Variants in ETF1 observed in about 807,000 individuals in gnomAD.
ETF1 encodes the protein eukaryotic translation termination factor 1, also known as eukaryotic peptide chain release factor subunit 1.
Under a neutral mutation model 55.1 loss-of-function variants are expected in ETF1, and 4 were observed. The ratio of observed to expected loss-of-function variants is 0.07; its 90% CI spans 0.04 to 0.17. ETF1 has a LOEUF of 0.17. Ranked by LOEUF, ETF1 falls within the 10% of genes least tolerant of loss-of-function variation. ETF1 has a pLI of 1.00. For missense variants in ETF1, 142 were observed against 523.6 expected, an observed-to-expected ratio of 0.27 and a Z score of 7.11; for synonymous variants, 157 against 182.3, an observed-to-expected ratio of 0.86 and a Z score of 1.12.
chr5:138,515,097 C>T (rs1764962700), intron 4 of ETF1, among the ~76,000 whole-genome samples: 1 of 152,194 alleles, frequency 6.6e-6, no homozygotes, highest in Non-Finnish European at 1.5e-5. Flanking sequence ...AACTAAGAAT[C>T]CATCTTTAAC....
chr5:138,524,267 C>T (rs1254923556), intron 2 of ETF1, among the ~76,000 whole-genome samples: 7 of 151,110 alleles, frequency 4.6e-5, no homozygotes, highest in African/African-American at 7.3e-5. Context: ...GCACGAGAAT[C>T]GCTCGAACCT....
At chr5:138,533,863 G>A (rs1000333879) in intron 2 of ETF1, among the ~76,000 whole-genome samples, 4 of 152,118 alleles carry the variant, frequency 2.6e-5, no homozygotes, top group Non-Finnish European at 4.4e-5. Flanking sequence ...CTTATGAAGT[G>A]TCATTTTAAT....
chr5:138,525,588 T>C (rs949050250), intron 2 of ETF1, among the ~76,000 whole-genome samples: 1 of 152,166 alleles, frequency 6.6e-6, no homozygotes, highest in African/African-American at 2.4e-5. Flanking sequence ...CCAGTATAAA[T>C]TGAGCTGACT....
intron 2 of ETF1, among the ~76,000 whole-genome samples, chr5:138,519,851 T>C (rs1459079981): frequency 6.6e-6 from 1 of 152,040 alleles, no homozygotes; most frequent in East Asian, 1.9e-4. Context: ...ATTTTGGTTT[T>C]TTAACTTTTT....
chr5:138,508,465 G>C (rs1203437337), intron 10 of ETF1, 78 bp from the exon 11 acceptor site: 2 of 1,595,534 alleles, frequency 1.3e-6, no homozygotes, highest in African/African-American at 2.7e-5. Context: ...AAGGGAATAA[G>C]GGAAGCCCTA....
chr5:138,520,853 T>A (rs1036773233), intron 2 of ETF1, among the ~76,000 whole-genome samples: 8 of 152,000 alleles, frequency 5.3e-5, no homozygotes, highest in Admixed American at 1.3e-4. Flanking sequence ...TTGGTGAGGA[T>A]GTGGAGAAAT....
chr5:138,523,885 G>A (rs1010053073), intron 2 of ETF1, among the ~76,000 whole-genome samples: 35 of 151,958 alleles, frequency 2.3e-4, no homozygotes, highest in African/African-American at 8.0e-4. Flanking sequence ...GTGAAATGCA[G>A]TGAGACCCTG....
At chr5:138,531,921 C>T (rs543158668) in intron 2 of ETF1, among the ~76,000 whole-genome samples, 49 of 152,252 alleles carry the variant, frequency 3.2e-4, no homozygotes, top group African/African-American at 1.1e-3. Flanking sequence ...GTGGCGGGCG[C>T]CTATAGTCCC....
intron 10 of ETF1, 120 bp downstream of exon 10, chr5:138,508,548 GC>G: frequency 6.4e-7 from 1 of 1,554,936 alleles, no homozygotes. Context: ...TGCACCTGCT[GC>G]GTCAATCACC....
At chr5:138,518,236 C>T (rs1013759737) in intron 3 of ETF1, among the ~76,000 whole-genome samples, 2 of 147,906 alleles carry the variant, frequency 1.4e-5, no homozygotes, top group African/African-American at 2.5e-5. Context: ...ATTGAGACAA[C>T]GCCTCACTCT....
In ETF1 at chr5:138,510,763, G is replaced by A. The variant is rs1486238652; in HGVS notation, c.1019-134C>T. On this transcript the variant is annotated intron_variant, in intron 8 of 10. Coordinates refer to ENST00000360541, the MANE Select transcript of ETF1 (RefSeq NM_004730.4). ...CAACATTTTTTCCATAAACATGTTA[G>A]CATACACTGAGTGTCTACTAGGTAC... 2.4e-6 allele frequency: 3 copies of A among 1,268,646 alleles called. No homozygotes were observed. In the African/African-American group the frequency reaches 4.5e-5, roughly 19 times the overall value. The allele number at this position is 1,268,646 out of a possible 1,614,324, so 78.6% of individuals were successfully genotyped here.
At chr5:138,530,652 C>T (rs1378111501) in intron 2 of ETF1, among the ~76,000 whole-genome samples, 1 of 152,150 alleles carries the variant, frequency 6.6e-6, no homozygotes, top group Non-Finnish European at 1.5e-5. Context: ...CTGATCTTTG[C>T]AACCTCTGCC....
chr5:138,524,573 T>C (rs1765379044), intron 2 of ETF1, among the ~76,000 whole-genome samples: 1 of 150,460 alleles, frequency 6.6e-6, no homozygotes, highest in Non-Finnish European at 1.5e-5. Flanking sequence ...AAAAAATTTC[T>C]TTCCGTTTTT....
rs537981655 is a variant in ETF1 at position 138,524,919 on chromosome 5, T to C, written c.87-6052A>G. Reference sequence around the variant, plus strand: ...TTTTCTTCCTTCCTTTCCCTTTTTTTTTCTTTTTTACATTTTTGGAAGTTA... The same window carrying C: ...TTTTCTTCCTTCCTTTCCCTTTTTTCTTCTTTTTTACATTTTTGGAAGTTA... On this transcript the variant is annotated intron_variant, in intron 2 of 10. Transcript: ENST00000360541. Among the ~76,000 whole-genome samples, 13 of 151,994 alleles carry C rather than the reference T, an allele frequency of 8.6e-5. No homozygotes were observed. In the South Asian group the frequency reaches 2.7e-3, roughly 32 times the overall value.
chr5:138,509,180 G>A (rs986813961), intron 9 of ETF1: 5 of 985,226 alleles, frequency 5.1e-6, no homozygotes, highest in Middle Eastern at 5.2e-4. Flanking sequence ...CTGCTTTTGG[G>A]AGTGGCCTCG....
chr5:138,543,123 G>T lies in ETF1; in HGVS notation c.-45C>A. On this transcript the variant is annotated 5_prime_UTR_variant, in exon 1 of 11. Coordinates refer to ENST00000360541, the MANE Select transcript of ETF1 (RefSeq NM_004730.4). ...TAAGGGCCCAGTCCTGGGCGGCAGCGGCTGCTCCTCCCCGGCGGCGGCTCC... is the reference window on the plus strand; with the variant it reads ...TAAGGGCCCAGTCCTGGGCGGCAGCTGCTGCTCCTCCCCGGCGGCGGCTCC... The T allele has an allele frequency of 6.7e-6, 4 of 592,954 alleles. No homozygotes were observed. The highest frequency in any genetic ancestry group is 1.2e-5 in the Non-Finnish European group (4 of 342,658). The allele number at this position is 592,954 out of a possible 1,614,324, so 36.7% of individuals were successfully genotyped here.
At chr5:138,529,720 C>G in intron 2 of ETF1, 2 of 984,376 alleles carry the variant, frequency 2.0e-6, no homozygotes, top group Non-Finnish European at 2.4e-6. Flanking sequence ...TGTAACAGAA[C>G]TAAACCAAAT....
intron 2 of ETF1, among the ~76,000 whole-genome samples, chr5:138,524,785 C>T (rs1237442202): frequency 6.6e-6 from 1 of 151,870 alleles, no homozygotes; most frequent in Non-Finnish European, 1.5e-5. Context: ...ACCATGTTGG[C>T]CAGGATGGTC....
rs202069683 is a variant in ETF1, at chr5:138,511,033, T to C, written c.1018+12A>G. ...AGTAACAAATAGCAACCTTATTTTCTAATTCTCATACCTTCTGTGCCTTGG... is the reference window on the plus strand; with the variant it reads ...AGTAACAAATAGCAACCTTATTTTCCAATTCTCATACCTTCTGTGCCTTGG... On this transcript the variant is annotated intron_variant, in intron 8 of 10. Coordinates refer to ENST00000360541, the MANE Select transcript of ETF1 (RefSeq NM_004730.4). 20 of 1,610,612 alleles carry C rather than the reference T, an allele frequency of 1.2e-5. No individual in the cohort carries two copies. Among genetic ancestry groups the C allele is most frequent in the Non-Finnish European group, 1.4e-5 (16 of 1,178,374 alleles).
Sources: allele counts gnomAD v4.1 joint callset (sites outside exome capture counted in the v4.1 genomes callset), GRCh38; gene constraint gnomAD v4.1.1; transcripts MANE v1.5; gene names NCBI Gene and HGNC (gene_info 2026-07-23, HGNC 2026-07-21).